MCC: variants seen among roughly 807,000 people sequenced by gnomAD.
MCC encodes MCC regulator of Wnt signaling pathway, also known as colorectal mutant cancer protein.
A neutral mutation model predicts 116.2 loss-of-function variants in MCC; 90 were observed. That is an observed-to-expected ratio of 0.77 (90% confidence interval 0.65 to 0.92). The LOEUF (loss-of-function observed/expected upper bound fraction) is 0.92. Ranked by LOEUF, MCC falls within the 40% of genes least tolerant of loss-of-function variation. The pLI is 0.00. For missense variants in MCC, 1,516 were observed against 1,312.2 expected (o/e 1.16, Z -2.40); for synonymous variants, 578 against 510.5 (o/e 1.13, Z -1.78).
At chr5:113,079,978 A>C (rs1178285600) in intron 11 of MCC, among the ~76,000 whole-genome samples, 1 of 152,256 alleles carries the variant, frequency 6.6e-6, no homozygotes, top group African/African-American at 2.4e-5. Context: ...CAACCCCATC[A>C]AAAAGTGGGT....
chr5:113,253,337 T>C (rs1362995616), intron 3 of MCC, among the ~76,000 whole-genome samples: 1 of 152,142 alleles, frequency 6.6e-6, no homozygotes, highest in African/African-American at 2.4e-5. Context: ...GGTGGCACGG[T>C]TGGCCCCTAG....
Position 113,341,164 on chromosome 5 carries a change from CTCCT to C in MCC, c.416-438_416-435del, listed in dbSNP as rs796984415. Among the ~76,000 whole-genome samples, 1,102 of 152,016 alleles carry C rather than the reference CTCCT, an allele frequency of 7.2e-3. 11 individuals carry two copies. Among genetic ancestry groups the C allele is most frequent in the African/African-American group, 0.025 (1,052 of 41,474 alleles). On this transcript the variant is annotated intron_variant, in intron 2 of 18. Coordinates refer to ENST00000408903, the MANE Select transcript of MCC (RefSeq NM_001085377.2). ...GGCACTTTATCATGACTCTCTTTTT[CTCCT>C]TCCTTCCTTCCTTTCCTTCCTTCCT...
chr5:113,226,300 G>C (rs930257646), intron 3 of MCC, among the ~76,000 whole-genome samples: 1 of 152,200 alleles, frequency 6.6e-6, no homozygotes, highest in South Asian at 2.1e-4. Flanking sequence ...GCCAGGATGG[G>C]ACCAAAAACA....
chr5:113,196,932 C>T (rs1041847190), intron 3 of MCC, among the ~76,000 whole-genome samples: 6 of 152,130 alleles, frequency 3.9e-5, no homozygotes, highest in African/African-American at 1.4e-4. Flanking sequence ...CACTAATGGT[C>T]TTTGGAACAA....
At chr5:113,250,229 T>C (rs1035730245) in intron 3 of MCC, among the ~76,000 whole-genome samples, 11 of 152,166 alleles carry the variant, frequency 7.2e-5, no homozygotes, top group Admixed American at 2.0e-4. Context: ...GGCCAACCAT[T>C]ATGTCTGAGG....
chr5:113,300,266 C>A (rs1003527824), intron 3 of MCC, among the ~76,000 whole-genome samples: 1 of 152,158 alleles, frequency 6.6e-6, no homozygotes, highest in African/African-American at 2.4e-5. Context: ...ACTGTCTCTA[C>A]CCCTGGGGTG....
chr5:113,265,559 G>C (rs1395518332), intron 3 of MCC, among the ~76,000 whole-genome samples: 2 of 152,068 alleles, frequency 1.3e-5, no homozygotes, highest in Non-Finnish European at 2.9e-5. Context: ...GGTACCTTTG[G>C]TTGAACGTTC....
At chr5:113,209,309 T>C (rs2150322796) in intron 3 of MCC, among the ~76,000 whole-genome samples, 1 of 152,304 alleles carries the variant, frequency 6.6e-6, no homozygotes, top group African/African-American at 2.4e-5. Flanking sequence ...AAAAATTATT[T>C]CCATTCTCAA....
rs117749194 is a variant in MCC at position 113,295,967 on chromosome 5, A to T, written c.627+44552T>A. Among the ~76,000 whole-genome samples the T allele has an allele frequency of 3.0e-3, 456 of 152,292 alleles. 7 individuals are homozygous for T. The East Asian group carries it at 0.049, about 16-fold the overall frequency. ...TATTGTCAACTTCCATGGTCTTTTT[A>T]AAAAATCATGTTTATTTTGCTCTTT... is the stretch of plus-strand genomic sequence containing the variant. On this transcript the variant is annotated intron_variant, in intron 3 of 18. Coordinates refer to ENST00000408903, the MANE Select transcript of MCC (RefSeq NM_001085377.2).
chr5:113,190,003 C>T (rs1313021159), intron 3 of MCC, among the ~76,000 whole-genome samples: 6 of 152,178 alleles, frequency 3.9e-5, no homozygotes, highest in Admixed American at 1.3e-4. Flanking sequence ...GGCCTGTGTC[C>T]GCCTGAAGTA....
At position 113,071,238 on chromosome 5, in the gene MCC, C is replaced by T. The variant is rs61263890; in HGVS notation, c.1785-4G>A. ...GGATTTGAGGTGCTCAATCCGGCTA[C>T]AAAGGAACAAAAATCAGATTCACAC... is the stretch of plus-strand genomic sequence containing the variant. On this transcript the variant is annotated splice_polypyrimidine_tract_variant and splice_region_variant and intron_variant, in intron 11 of 18. Transcript: ENST00000408903. 1 of 1,612,026 alleles carries T rather than the reference C, an allele frequency of 6.2e-7. No homozygotes were observed. Among genetic ancestry groups the T allele is most frequent in the Non-Finnish European group, 8.5e-7 (1 of 1,179,200 alleles).
intron 2 of MCC, among the ~76,000 whole-genome samples, chr5:113,361,516 A>T (rs1768547350): frequency 6.6e-6 from 1 of 152,140 alleles, no homozygotes; most frequent in South Asian, 2.1e-4. Context: ...ATTATTTTTG[A>T]ATTTTCATAA....
chr5:113,131,096 A>C lies in MCC; in HGVS notation c.885-8270T>G, dbSNP rs1758400425. On this transcript the variant is annotated intron_variant, in intron 5 of 18. Transcript: ENST00000408903. The stretch of plus-strand genomic sequence containing the variant: ...TTGGAGTCAGATGCCACACAGCAGC[A>C]GTGAGCTAACGAGCAAAGGGGAGAT... Among the ~76,000 whole-genome samples the C allele has an allele frequency of 2.0e-5, 3 of 152,334 alleles. No homozygotes were observed. In the South Asian group the frequency reaches 6.2e-4, roughly 32 times the overall value.
chr5:113,420,275 C>T (rs976468420), intron 1 of MCC, among the ~76,000 whole-genome samples: 1 of 146,150 alleles, frequency 6.8e-6, no homozygotes, highest in Non-Finnish European at 1.5e-5. Context: ...AAAGCAAGTG[C>T]AACAACAACA....
intron 8 of MCC, chr5:113,101,475 A>G: frequency 2.1e-6 from 1 of 477,666 alleles, no homozygotes; most frequent in Non-Finnish European, 3.7e-6. Context: ...TGGAAAGTTT[A>G]GAATCACTGC....
At chr5:113,404,139 T>C (rs185336) in intron 1 of MCC, among the ~76,000 whole-genome samples, 14,373 of 152,176 alleles carry the variant, frequency 0.094, 987 homozygotes, top group Non-Finnish European at 0.12. Flanking sequence ...AGTGCTGGGA[T>C]TACAATTGTG....
chr5:113,351,107 C>T (rs1768257931), intron 2 of MCC, among the ~76,000 whole-genome samples: 1 of 151,996 alleles, frequency 6.6e-6, no homozygotes, highest in Non-Finnish European at 1.5e-5. Context: ...TTTGTACAAC[C>T]ACTATGGAGA....
chr5:113,454,359 C>T lies in MCC; in HGVS notation c.170+33886G>A, dbSNP rs371254684. 2.0e-4 allele frequency among the ~76,000 whole-genome samples: 30 copies of T among 152,232 alleles called. No individual in the cohort carries two copies. The East Asian group carries it at 2.7e-3, about 14-fold the overall frequency. ...GGCTCAAGTGATCCTCCCGCCTTGG[C>T]CTCCCAAAATGCTGGAATTACAGGC... On this transcript the variant is annotated intron_variant, in intron 1 of 18. Coordinates refer to ENST00000408903, the MANE Select transcript of MCC (RefSeq NM_001085377.2).
intron 1 of MCC, among the ~76,000 whole-genome samples, chr5:113,418,073 T>G (rs950341580): frequency 8.5e-6 from 1 of 117,320 alleles, no homozygotes; most frequent in Non-Finnish European, 1.7e-5. Context: ...CCTCATGTCT[T>G]TTTTGGAGAT....
Sources: gnomAD v4.1 joint callset for allele counts (sites outside exome capture counted in the v4.1 genomes callset) on GRCh38, gnomAD v4.1.1 for gene constraint, MANE v1.5 for transcripts, NCBI Gene and HGNC (gene_info 2026-07-23, HGNC 2026-07-21) for gene names.